Variants in AAK1 observed in about 807,000 individuals in gnomAD.
The protein encoded by AAK1 is AP2 associated kinase 1, also known as AP2-associated protein kinase 1.
Under a neutral mutation model 116.0 loss-of-function variants are expected in AAK1, and 37 were observed. The observed-to-expected ratio is 0.32, with a 90% CI of 0.25 to 0.42. AAK1 has a LOEUF of 0.42. Ranked by LOEUF, AAK1 falls within the 10% of genes least tolerant of loss-of-function variation. AAK1 has a pLI of 1.00. For synonymous variants in AAK1, 458 were observed against 439.9 expected, an observed-to-expected ratio of 1.04 and a Z score of -0.51; for missense variants, 919 against 1,170.6, an observed-to-expected ratio of 0.79 and a Z score of 3.14.
chr2:69,620,236 C>T (rs1440188590), intron 2 of AAK1, among the ~76,000 whole-genome samples: 1 of 152,104 alleles, frequency 6.6e-6, no homozygotes, highest in Non-Finnish European at 1.5e-5. Context: ...AGGTTTTTGG[C>T]CTGAGTATCT....
chr2:69,595,384 G>C (rs1673232034), intron 2 of AAK1, among the ~76,000 whole-genome samples: 1 of 152,212 alleles, frequency 6.6e-6, no homozygotes. Context: ...CCAAAGTGTT[G>C]GGATTACAGG....
intron 5 of AAK1, among the ~76,000 whole-genome samples, chr2:69,538,671 C>A (rs1012867663): frequency 2.6e-5 from 4 of 152,230 alleles, no homozygotes; most frequent in Non-Finnish European, 5.9e-5. Flanking sequence ...CACTTGAGGT[C>A]AAGAGTTCAA....
At chr2:69,505,125 GCACACA>G in intron 16 of AAK1, among the ~76,000 whole-genome samples, 1 of 108,108 alleles carries the variant, frequency 9.3e-6, no homozygotes, top group Admixed American at 1.1e-4. Flanking sequence ...GTGCGTGTGC[GCACACA>G]CACCCACACA....
intron 14 of AAK1, among the ~76,000 whole-genome samples, chr2:69,507,832 G>C (rs780894650): frequency 6.6e-6 from 1 of 151,472 alleles, no homozygotes; most frequent in Non-Finnish European, 1.5e-5. Context: ...TCAGCCTCCC[G>C]AGTAGCTGGG....
chr2:69,505,494 A>T (rs769575657), intron 16 of AAK1, 75 bp downstream of exon 16: 9 of 1,137,444 alleles, frequency 7.9e-6, no homozygotes, highest in Non-Finnish European at 1.2e-5. Context: ...GGCATGCTAG[A>T]GTTATCTGTG....
chr2:69,578,899 G>C (rs1326819203), intron 2 of AAK1, among the ~76,000 whole-genome samples: 3 of 151,622 alleles, frequency 2.0e-5, no homozygotes, highest in Non-Finnish European at 4.4e-5. Flanking sequence ...CACCTCCCGG[G>C]TTCACGCAGT....
intron 2 of AAK1, among the ~76,000 whole-genome samples, chr2:69,559,505 T>C (rs1223017983): frequency 1.3e-5 from 2 of 152,242 alleles, no homozygotes; most frequent in Admixed American, 1.3e-4. Context: ...AAAATTTCTA[T>C]GTATGTTCAT....
chr2:69,542,384 T>C (rs578023500), intron 5 of AAK1, 139 bp downstream of exon 5: 1 of 1,072,502 alleles, frequency 9.3e-7, no homozygotes, highest in South Asian at 1.8e-5. Flanking sequence ...TGTTATTTTC[T>C]CTCCTCAGGC....
chr2:69,642,163 C>G (rs539170110), intron 2 of AAK1, among the ~76,000 whole-genome samples: 2 of 151,616 alleles, frequency 1.3e-5, no homozygotes, highest in Non-Finnish European at 2.9e-5. Flanking sequence ...TCTCTGATAG[C>G]GAAAAAACAA....
intron 2 of AAK1, among the ~76,000 whole-genome samples, chr2:69,631,198 C>T (rs561930364): frequency 2.0e-5 from 3 of 152,312 alleles, no homozygotes; most frequent in African/African-American, 7.2e-5. Flanking sequence ...ATAAAGTCAT[C>T]ATTTTGTTCT....
chr2:69,519,322 AG>A, intron 11 of AAK1, 82 bp from the exon 12 acceptor site: 3 of 1,458,426 alleles, frequency 2.1e-6, no homozygotes, highest in African/African-American at 2.8e-5. Context: ...AACAACTAAT[AG>A]GGGGTGACAA....
At chr2:69,552,041 A>G (rs1021700963) in intron 3 of AAK1, among the ~76,000 whole-genome samples, 1 of 152,148 alleles carries the variant, frequency 6.6e-6, no homozygotes, top group Non-Finnish European at 1.5e-5. Flanking sequence ...CAATTCTTAG[A>G]GTCACTGAGA....
intron 3 of AAK1, among the ~76,000 whole-genome samples, chr2:69,549,102 C>G (rs572187762): frequency 6.6e-6 from 1 of 152,222 alleles, no homozygotes; most frequent in East Asian, 2.0e-4. Context: ...GGCTCGGTGG[C>G]TCACGCCTGT....
chr2:69,510,084 T>C (rs1239233198), intron 13 of AAK1, among the ~76,000 whole-genome samples: 1 of 152,150 alleles, frequency 6.6e-6, no homozygotes, highest in Non-Finnish European at 1.5e-5. Flanking sequence ...GCAGGTTTGT[T>C]ATACAGGTAA....
At chr2:69,544,209 C>T (rs1670834869) in intron 4 of AAK1, 2 of 473,020 alleles carry the variant, frequency 4.2e-6, no homozygotes, top group African/African-American at 1.9e-5. Context: ...TATATACAAA[C>T]ACCAAACCTT....
rs1674660076 is a variant in AAK1, at chr2:69,471,079, G to A, written c.*4790C>T. ...ACAACTGTATGCTTTGTCTTCTTGGGAAGGACGCGTTAAAGACCTATGATA... is the reference window on the plus strand; with the variant it reads ...ACAACTGTATGCTTTGTCTTCTTGGAAAGGACGCGTTAAAGACCTATGATA... On this transcript the variant is annotated 3_prime_UTR_variant, in exon 22 of 22. Coordinates refer to ENST00000409085, the MANE Select transcript of AAK1 (RefSeq NM_014911.5). 5 of 985,570 alleles carry A rather than the reference G, an allele frequency of 5.1e-6. No homozygotes were observed. Among genetic ancestry groups the A allele is most frequent in the Admixed American group, 6.2e-5 (1 of 16,236 alleles). The allele number at this position is 985,570 out of a possible 1,614,324, so 61.1% of individuals were successfully genotyped here.
In AAK1 at chr2:69,482,935, A is replaced by T. The variant is rs927901187; in HGVS notation, c.2366-123T>A. 11 of 628,080 alleles carry T rather than the reference A, an allele frequency of 1.8e-5. 1 individual carries two copies. The highest frequency in any genetic ancestry group is 3.1e-5 in the Non-Finnish European group (11 of 354,518). 38.9% of individuals were successfully genotyped at this position (628,080 alleles called of 1,614,324 possible). A position where few individuals can be genotyped will look rare whatever the true frequency, so the allele number is the denominator to read the frequency against. On this transcript the variant is annotated intron_variant, in intron 17 of 21. Transcript: ENST00000409085. ...TCAATATTTGGTACAGGTTCACCAT[A>T]AAAATGAATGCTATTAATATCTTGT...
At chr2:69,611,297 C>T (rs1286265131) in intron 2 of AAK1, among the ~76,000 whole-genome samples, 1 of 152,232 alleles carries the variant, frequency 6.6e-6, no homozygotes, top group Non-Finnish European at 1.5e-5. Context: ...CTCTTTGCTT[C>T]CTCTCCTCCT....
intron 18 of AAK1, chr2:69,482,299 C>G (rs1031090119): frequency 1.1e-5 from 4 of 365,698 alleles, no homozygotes; most frequent in African/African-American, 8.6e-5. Flanking sequence ...TTGCAGTGAG[C>G]TGAGATCTTG....
Sources: gnomAD v4.1 joint callset for allele counts (sites outside exome capture counted in the v4.1 genomes callset) on GRCh38, gnomAD v4.1.1 for gene constraint, MANE v1.5 for transcripts, NCBI Gene and HGNC (gene_info 2026-07-23, HGNC 2026-07-21) for gene names.